The following NEBL variants were observed in gnomAD, a reference collection of about 807,000 sequenced individuals.
The protein encoded by NEBL is nebulette.
Under a neutral mutation model 140.2 loss-of-function variants are expected in NEBL, and 122 were observed. The ratio of observed to expected loss-of-function variants is 0.87; its 90% CI spans 0.75 to 1.01. The LOEUF (loss-of-function observed/expected upper bound fraction) is 1.01, where lower values mean the gene tolerates loss of function less well. NEBL is among the 50% of genes least tolerant of loss of function. The pLI, the probability that NEBL is intolerant of heterozygous loss-of-function variation, is 0.00. For missense variants in NEBL, 1,365 were observed against 1,231.3 expected, an observed-to-expected ratio of 1.11 and a Z score of -1.62; for synonymous variants, 436 against 398.9, an observed-to-expected ratio of 1.09 and a Z score of -1.11.
At chr10:21,048,821 C>T (rs879699801) in intron 2 of NEBL, among the ~76,000 whole-genome samples, 2 of 152,176 alleles carry the variant, frequency 1.3e-5, no homozygotes, top group South Asian at 2.1e-4. Flanking sequence ...CATGGTGAAA[C>T]CCTGTCTCTA....
In NEBL at chr10:20,787,284, T is replaced by C; in HGVS notation, c.2786A>G (p.Gln929Arg). 1.2e-6 allele frequency: 2 copies of C among 1,613,454 alleles called. No individual in the cohort carries two copies. The highest frequency in any genetic ancestry group is 2.2e-5 in the East Asian group (1 of 44,842). ...EGAPVLPGAY[Q>R]QSHSQGYGYM... Reference sequence around the variant, plus strand: ...GCCATAGCCTTGGGAATGGCTTTGCTGATAGGCTCCGGGAAGAACAGGTGC... The same window carrying C: ...GCCATAGCCTTGGGAATGGCTTTGCCGATAGGCTCCGGGAAGAACAGGTGC... The change falls in exon 27 of 28, where the codon CAG becomes CGG. Residue 929 changes from glutamine to arginine, a missense_variant. Transcript: ENST00000377122.
At chr10:21,147,251 G>A (rs1169790515) in intron 2 of NEBL, among the ~76,000 whole-genome samples, 1 of 152,024 alleles carries the variant, frequency 6.6e-6, no homozygotes, top group Non-Finnish European at 1.5e-5. Flanking sequence ...TCTCAACAAG[G>A]TCTCATTGCA....
chr10:20,783,107 G>C lies in NEBL; in HGVS notation c.*2640C>G, dbSNP rs1261846510. On this transcript the variant is annotated 3_prime_UTR_variant, in exon 28 of 28. Transcript: ENST00000377122. ...CTTTAGCTGTCAGCTTCATGCACGAGATACCTGTTGCCAAACCAAAGGTGG... is the reference window on the plus strand; with the variant it reads ...CTTTAGCTGTCAGCTTCATGCACGACATACCTGTTGCCAAACCAAAGGTGG... The C allele has an allele frequency of 2.0e-5, 3 of 152,572 alleles. No homozygotes were observed. The highest frequency in any genetic ancestry group is 6.6e-5 in the Admixed American group (1 of 15,246). 9.5% of individuals were successfully genotyped at this position (152,572 alleles called of 1,614,324 possible).
chr10:20,931,661 C>T (rs993500159), intron 4 of NEBL, among the ~76,000 whole-genome samples: 14 of 152,136 alleles, frequency 9.2e-5, no homozygotes, highest in African/African-American at 1.7e-4. Context: ...GAAAGAGTCT[C>T]CGGCCCATGC....
At chr10:21,080,449 G>A (rs946789420) in intron 2 of NEBL, among the ~76,000 whole-genome samples, 1 of 152,198 alleles carries the variant, frequency 6.6e-6, no homozygotes, top group Admixed American at 6.5e-5. Flanking sequence ...ATAAGCTGGA[G>A]AAAATTGAAT....
chr10:21,152,148 C>T (rs376261820), intron 2 of NEBL, among the ~76,000 whole-genome samples: 1 of 152,112 alleles, frequency 6.6e-6, no homozygotes, highest in Non-Finnish European at 1.5e-5. Flanking sequence ...CCAGGGCCTG[C>T]GAGGAATGCA....
At chr10:21,113,339 C>T (rs1362467648) in intron 2 of NEBL, 4 of 320,592 alleles carry the variant, frequency 1.2e-5, no homozygotes, top group Non-Finnish European at 2.2e-5. Context: ...GCAAAAGGAC[C>T]TAATTCTGTA....
At chr10:21,227,180 T>C (rs899210320) in intron 3 of NEBL, among the ~76,000 whole-genome samples, 5 of 152,180 alleles carry the variant, frequency 3.3e-5, no homozygotes, top group Non-Finnish European at 7.3e-5. Flanking sequence ...AACCCACTTA[T>C]GGGACAGTTT....
At chr10:21,135,782 G>A (rs1221920610) in intron 2 of NEBL, among the ~76,000 whole-genome samples, 3 of 152,164 alleles carry the variant, frequency 2.0e-5, no homozygotes, top group African/African-American at 4.8e-5. Context: ...CCCAGCCTCA[G>A]TGCTGAAGGT....
In NEBL at chr10:20,831,188, T is replaced by G. The variant is rs1588715324; in HGVS notation, c.1671+8A>C. 6.3e-7 allele frequency: 1 copy of G among 1,597,038 alleles called. No homozygotes were observed. The highest frequency in any genetic ancestry group is 2.2e-5 in the East Asian group (1 of 44,780). ...ACACGATTCTGAGCATCTTCATTCA[T>G]GACCAACCTGGCTATAGATTTCAGA... On this transcript the variant is annotated splice_region_variant and intron_variant, in intron 16 of 27. Coordinates refer to ENST00000377122, the MANE Select transcript of NEBL (RefSeq NM_006393.3).
upstream of NEBL, chr10:20,897,350 C>T (rs915223780): frequency 2.7e-6 from 4 of 1,463,460 alleles, no homozygotes; most frequent in Non-Finnish European, 3.6e-6. Context: ...GCCCACACTT[C>T]ACTCCTTATC....
chr10:21,256,000 G>GA (rs961380759), intron 1 of NEBL, among the ~76,000 whole-genome samples: 90 of 149,992 alleles, frequency 6.0e-4, no homozygotes, highest in South Asian at 1.3e-3. Context: ...AAAAGAAAAA[G>GA]AAAAAAAAGG....
chr10:20,837,322 T>C (rs1373134814), intron 13 of NEBL, among the ~76,000 whole-genome samples: 1 of 152,176 alleles, frequency 6.6e-6, no homozygotes, highest in Non-Finnish European at 1.5e-5. Flanking sequence ...AGAGAAAGTT[T>C]TAGTGGTCTG....
chr10:21,083,043 T>A (rs1432738992), intron 2 of NEBL, among the ~76,000 whole-genome samples: 1 of 152,192 alleles, frequency 6.6e-6, no homozygotes, highest in Non-Finnish European at 1.5e-5. Flanking sequence ...ATTACAGGCG[T>A]AAGCCAGCGC....
intron 5 of NEBL, among the ~76,000 whole-genome samples, chr10:20,879,898 G>A (rs576838891): frequency 2.6e-5 from 4 of 152,238 alleles, no homozygotes; most frequent in South Asian, 2.1e-4. Context: ...GGTGGTAATC[G>A]AGCAAATGCA....
intron 2 of NEBL, among the ~76,000 whole-genome samples, chr10:21,169,067 A>AAAAAAAAAAATATAT (rs1554830679): frequency 4.3e-5 from 1 of 23,070 alleles, no homozygotes; most frequent in Non-Finnish European, 8.7e-5. Context: ...AAAAAAAAAA[A>AAAAAAAAAAATATAT]ATATATATAT....
chr10:21,282,490 A>G (rs1324885189), intron 1 of NEBL, among the ~76,000 whole-genome samples: 1 of 152,198 alleles, frequency 6.6e-6, no homozygotes, highest in African/African-American at 2.4e-5. Flanking sequence ...CCACCAGATC[A>G]AGAAGTTAAG....
intron 2 of NEBL, among the ~76,000 whole-genome samples, chr10:21,047,843 T>C (rs545213561): frequency 1.3e-5 from 2 of 152,326 alleles, no homozygotes; most frequent in East Asian, 1.9e-4. Flanking sequence ...CCGAGCAATA[T>C]TGTCAAAGGT....
At chr10:21,252,793 T>G (rs1028264186) in intron 1 of NEBL, among the ~76,000 whole-genome samples, 1 of 152,050 alleles carries the variant, frequency 6.6e-6, no homozygotes, top group Admixed American at 6.6e-5. Flanking sequence ...CTGTCTCTAC[T>G]AAAAATACAA....
Sources: allele counts gnomAD v4.1 joint callset (sites outside exome capture counted in the v4.1 genomes callset), GRCh38; gene constraint gnomAD v4.1.1; transcripts MANE v1.5; gene names NCBI Gene and HGNC (gene_info 2026-07-23, HGNC 2026-07-21).